CACNA1B: variants seen among roughly 807,000 people sequenced by gnomAD.
CACNA1B encodes the protein voltage-dependent N-type calcium channel subunit alpha-1B.
A neutral mutation model predicts 247.2 loss-of-function variants in CACNA1B; 70 were observed. That is an observed-to-expected ratio of 0.28 (90% CI 0.23 to 0.35). The LOEUF is 0.35. CACNA1B is among the 10% of genes least tolerant of loss of function. The pLI is 1.00. For synonymous variants in CACNA1B, 1,231 were observed against 1,294.4 expected (o/e 0.95, Z 1.05); for missense variants, 2,367 against 3,197.4 (o/e 0.74, Z 6.26).
chr9:138,022,288 C>T (rs1002980733), intron 18 of CACNA1B, among the ~76,000 whole-genome samples: 1 of 152,204 alleles, frequency 6.6e-6, no homozygotes, highest in African/African-American at 2.4e-5. Context: ...TTTCCAGCTT[C>T]AGACCTGACT....
intron 3 of CACNA1B, among the ~76,000 whole-genome samples, chr9:137,886,871 C>T (rs1271033021): frequency 8.5e-5 from 13 of 152,140 alleles, no homozygotes; most frequent in African/African-American, 3.1e-4. Flanking sequence ...GGAGGTGCCA[C>T]TTTGCATAGG....
intron 10 of CACNA1B, among the ~76,000 whole-genome samples, chr9:137,968,763 C>T (rs1958111486): frequency 6.6e-6 from 1 of 152,158 alleles, no homozygotes; most frequent in Non-Finnish European, 1.5e-5. Context: ...TGCCTTAGGG[C>T]ACAAGAGAAA....
intron 6 of CACNA1B, among the ~76,000 whole-genome samples, chr9:137,921,970 G>T (rs1191533685): frequency 9.7e-5 from 14 of 144,816 alleles, no homozygotes; most frequent in Non-Finnish European, 1.1e-4. Context: ...AGAGTAAAGT[G>T]TTCGGAGAAC....
chr9:138,083,535 T>C (rs1960596451), intron 36 of CACNA1B, among the ~76,000 whole-genome samples: 1 of 149,914 alleles, frequency 6.7e-6, no homozygotes, highest in African/African-American at 2.5e-5. Context: ...AGCAGTCACA[T>C]CCCCCAAGCC....
At position 137,955,008 on chromosome 9, in the gene CACNA1B, G is replaced by T. The variant is rs775974109; in HGVS notation, c.1071-690G>T. Among the ~76,000 whole-genome samples, 2 of 152,070 alleles carry T rather than the reference G, an allele frequency of 1.3e-5. No homozygotes were observed. Among genetic ancestry groups the T allele is most frequent in the Admixed American group, 6.6e-5 (1 of 15,266 alleles). On this transcript the variant is annotated intron_variant, in intron 7 of 46. Transcript: ENST00000371372. The surrounding 1 kb of genome is among the most constrained non-coding windows in gnomAD (Gnocchi z 6.9). ...GGGATGCTGAGCTGGAAGGGCAAGT[G>T]TTCTCTGCTGGTCACCATGACGGCT...
intron 13 of CACNA1B, among the ~76,000 whole-genome samples, chr9:137,985,769 G>A (rs1461418723): frequency 2.0e-5 from 3 of 152,204 alleles, no homozygotes; most frequent in Non-Finnish European, 2.9e-5. Context: ...CAGCAGCCTC[G>A]GTGGCACCTG....
At position 138,073,262 on chromosome 9, in the gene CACNA1B, C is replaced by G. The variant is rs1310053096; in HGVS notation, c.4675-226C>G. On this transcript the variant is annotated intron_variant, in intron 32 of 46. Coordinates refer to ENST00000371372, the MANE Select transcript of CACNA1B (RefSeq NM_000718.4). This position sits in a 1 kb window ranked among gnomAD's most constrained non-coding sequence, Gnocchi z 6.4. ...GGCCTTAGAGCCAAGGAGGTTTTCT[C>G]TGATTTGCTGCATGAGAAGTGATTT... 2.0e-5 allele frequency among the ~76,000 whole-genome samples: 3 copies of G among 152,222 alleles called. No individual in the cohort carries two copies. The highest frequency in any genetic ancestry group is 4.4e-5 in the Non-Finnish European group (3 of 68,044).
intron 15 of CACNA1B, among the ~76,000 whole-genome samples, chr9:138,006,149 C>T (rs1022097243): frequency 6.6e-6 from 1 of 151,462 alleles, no homozygotes; most frequent in Admixed American, 6.6e-5. Flanking sequence ...GAGTTGGTCA[C>T]GGGGAGGGGG....
chr9:138,047,719 A>G (rs1163811020), intron 23 of CACNA1B, among the ~76,000 whole-genome samples: 1 of 152,252 alleles, frequency 6.6e-6, no homozygotes, highest in Non-Finnish European at 1.5e-5. Context: ...TTTCTTGAAC[A>G]CATGAGCTAC....
At chr9:137,894,971 C>T (rs888754092) in intron 3 of CACNA1B, among the ~76,000 whole-genome samples, 17 of 152,108 alleles carry the variant, frequency 1.1e-4, no homozygotes, top group Admixed American at 5.2e-4. Flanking sequence ...AGATTTTTCC[C>T]GTGATTCTCT....
At chr9:138,015,503 C>G (rs1958780461) in intron 18 of CACNA1B, among the ~76,000 whole-genome samples, 2 of 146,848 alleles carry the variant, frequency 1.4e-5, no homozygotes, top group South Asian at 4.1e-4. Context: ...TCCTGCCCTG[C>G]TCTCATTTCC....
At chr9:137,961,429 CATCTT>C (rs1195596590) in intron 10 of CACNA1B, among the ~76,000 whole-genome samples, 4 of 152,094 alleles carry the variant, frequency 2.6e-5, no homozygotes, top group African/African-American at 9.7e-5. Context: ...TGGTGAGAGA[CATCTT>C]GTCTTGTGCA....
intron 31 of CACNA1B, among the ~76,000 whole-genome samples, chr9:138,065,830 A>G (rs1427666214): frequency 6.6e-6 from 1 of 152,144 alleles, no homozygotes; most frequent in Non-Finnish European, 1.5e-5. Context: ...ATCTTGCGGT[A>G]TCGTTATTGC....
rs1018803927 is a variant in CACNA1B, at chr9:137,944,648, C to G, written c.967-7626C>G. 2.0e-5 allele frequency among the ~76,000 whole-genome samples: 3 copies of G among 152,318 alleles called. 1 individual carries two copies. The highest frequency in any genetic ancestry group is 4.4e-5 in the Non-Finnish European group (3 of 68,032). On this transcript the variant is annotated intron_variant, in intron 6 of 46. Coordinates refer to ENST00000371372, the MANE Select transcript of CACNA1B (RefSeq NM_000718.4). ...CAAAGGCTAAGGTCAAAGTTTGGGA[C>G]CCATCTCCAAATTCCTAGGGTTCTC...
intron 21 of CACNA1B, 102 bp from the exon 22 acceptor site, chr9:138,046,802 C>A (rs1439503240): frequency 1.8e-6 from 2 of 1,118,724 alleles, no homozygotes; most frequent in African/African-American, 1.6e-5. Flanking sequence ...CTTCCTGAGG[C>A]AGCCCAGAGC....
At chr9:138,026,304 C>T (rs1374114425) in intron 20 of CACNA1B, among the ~76,000 whole-genome samples, 1 of 152,152 alleles carries the variant, frequency 6.6e-6, no homozygotes, top group Admixed American at 6.5e-5. Flanking sequence ...TTCCCATGGG[C>T]ACAAGTGAGT....
At chr9:137,908,254 G>A (rs1328090381) in intron 3 of CACNA1B, among the ~76,000 whole-genome samples, 3 of 152,132 alleles carry the variant, frequency 2.0e-5, no homozygotes, top group Non-Finnish European at 2.9e-5. Flanking sequence ...GGTGGCTCAC[G>A]CCTGTAATCC....
At chr9:137,998,456 G>C (rs371845137) in intron 15 of CACNA1B, among the ~76,000 whole-genome samples, 1 of 152,004 alleles carries the variant, frequency 6.6e-6, no homozygotes, top group Non-Finnish European at 1.5e-5. Context: ...CTAAAAATAC[G>C]TAAAATTAGC....
At chr9:138,043,478 C>T (rs1959154183) in intron 20 of CACNA1B, among the ~76,000 whole-genome samples, 1 of 152,078 alleles carries the variant, frequency 6.6e-6, no homozygotes, top group African/African-American at 2.4e-5. Flanking sequence ...CGCATCGAGG[C>T]CCCTCAGCGC....
Sources: allele counts gnomAD v4.1 joint callset (sites outside exome capture counted in the v4.1 genomes callset), GRCh38; gene constraint gnomAD v4.1.1; non-coding constraint Gnocchi (gnomAD v3.1); transcripts MANE v1.5; gene names NCBI Gene and HGNC (gene_info 2026-07-23, HGNC 2026-07-21).